Variants in MAP4K5 observed in about 807,000 individuals in gnomAD.
MAP4K5 encodes MAPK/ERK kinase kinase kinase 5.
A neutral mutation model predicts 135.6 loss-of-function variants in MAP4K5; 82 were observed. That is an observed-to-expected ratio of 0.60 (90% CI 0.51 to 0.73). The LOEUF (loss-of-function observed/expected upper bound fraction) is 0.73, where lower values mean the gene tolerates loss of function less well. Ranked by LOEUF, MAP4K5 falls within the 30% of genes least tolerant of loss-of-function variation. The pLI is 0.00. For synonymous variants in MAP4K5, 347 were observed against 335.0 expected, an observed-to-expected ratio of 1.04 and a Z score of -0.39; for missense variants, 907 against 1,010.9, an observed-to-expected ratio of 0.90 and a Z score of 1.39.
rs751486730 is a variant in MAP4K5, at chr14:50,442,816, T to C, written c.1480A>G (p.Met494Val). The C allele has an allele frequency of 5.8e-6, 9 of 1,541,790 alleles. No homozygotes were observed. The highest frequency in any genetic ancestry group is 7.0e-6 in the Non-Finnish European group (8 of 1,136,292). ...NGLPPTPKVL[M>V]GACFSKVFDG... The stretch of plus-strand genomic sequence containing the variant: ...AAAACTTTTGAAAAGCATGCTCCCA[T>C]CTTATTTATAAAGAAAGAAATGTTA... The change falls in exon 21 of 33, where the codon ATG becomes GTG. Residue 494 changes from methionine (M) to valine (V), a missense_variant and splice_region_variant. Met to Val is a conservative substitution (Grantham distance 21). Coordinates refer to ENST00000682126, the MANE Select transcript of MAP4K5 (RefSeq NM_006575.6).
chr14:50,509,025 T>C lies in MAP4K5; in HGVS notation c.109-4168A>G, dbSNP rs560822692. On this transcript the variant is annotated intron_variant, in intron 2 of 32. Coordinates refer to ENST00000682126, the MANE Select transcript of MAP4K5 (RefSeq NM_006575.6). ...GACTGGATTAAGAAAATGTGACACA[T>C]ATATACCATCGAATACTATGCAGCC... Among the ~76,000 whole-genome samples the C allele has an allele frequency of 4.7e-4, 71 of 152,246 alleles. 1 individual carries two copies. The South Asian group carries it at 0.013, about 28-fold the overall frequency.
intron 23 of MAP4K5, among the ~76,000 whole-genome samples, chr14:50,439,357 A>G (rs932994865): frequency 2.6e-5 from 4 of 151,076 alleles, no homozygotes; most frequent in African/African-American, 9.7e-5. Context: ...AAAAGCCTAA[A>G]ACACCACCTA....
intron 12 of MAP4K5, among the ~76,000 whole-genome samples, 182 bp from the exon 13 acceptor site, chr14:50,462,963 A>G (rs1197637072): frequency 3.9e-5 from 6 of 152,186 alleles, no homozygotes; most frequent in Non-Finnish European, 4.4e-5. Context: ...ATTATATAAA[A>G]CTGAAGAGCC....
chr14:50,551,174 A>G (rs1361108668), intron 1 of MAP4K5, among the ~76,000 whole-genome samples: 2 of 152,208 alleles, frequency 1.3e-5, no homozygotes, highest in Non-Finnish European at 2.9e-5. Flanking sequence ...AATAAGCTCA[A>G]TTAGAAACAA....
At chr14:50,422,253 C>A (rs2035751091) in intron 32 of MAP4K5, among the ~76,000 whole-genome samples, 1 of 152,138 alleles carries the variant, frequency 6.6e-6, no homozygotes, top group Non-Finnish European at 1.5e-5. Context: ...GGTTGGACGA[C>A]TTACTAAGTT....
intron 11 of MAP4K5, among the ~76,000 whole-genome samples, chr14:50,464,841 T>C (rs1460210209): frequency 6.6e-6 from 1 of 152,194 alleles, no homozygotes; most frequent in Non-Finnish European, 1.5e-5. Flanking sequence ...ATTTGGTGGC[T>C]TGCGATAAAG....
chr14:50,536,771 G>A (rs910192195), upstream of MAP4K5, among the ~76,000 whole-genome samples: 3 of 152,216 alleles, frequency 2.0e-5, no homozygotes, highest in Admixed American at 6.5e-5. Context: ...CTAGAGGTTT[G>A]TGGAACTTTG....
chr14:50,508,788 G>A (rs2037867815), intron 2 of MAP4K5, among the ~76,000 whole-genome samples: 1 of 152,080 alleles, frequency 6.6e-6, no homozygotes, highest in Non-Finnish European at 1.5e-5. Context: ...TGGTGGGAGT[G>A]TAAACTAGTT....
At chr14:50,474,723 T>C (rs1445988638) in intron 9 of MAP4K5, among the ~76,000 whole-genome samples, 1 of 152,120 alleles carries the variant, frequency 6.6e-6, no homozygotes. Context: ...ATCCTGCACA[T>C]GTACCCTGCA....
intron 9 of MAP4K5, among the ~76,000 whole-genome samples, 153 bp downstream of exon 9, chr14:50,474,924 A>G (rs2037062063): frequency 6.6e-6 from 1 of 152,190 alleles, no homozygotes; most frequent in African/African-American, 2.4e-5. Flanking sequence ...ATGAGCATCA[A>G]AGTTCCCTAA....
chr14:50,514,778 G>C lies in MAP4K5; in HGVS notation c.109-9921C>G, dbSNP rs149797255. On this transcript the variant is annotated intron_variant, in intron 2 of 32. Transcript: ENST00000682126. ...CAGTCTAAAAGAGCAAAACTACCTTGCATTAAGGGAATATAAAGATATAAA... is the reference window on the plus strand; with the variant it reads ...CAGTCTAAAAGAGCAAAACTACCTTCCATTAAGGGAATATAAAGATATAAA... Among the ~76,000 whole-genome samples, 11 of 152,286 alleles carry C rather than the reference G, an allele frequency of 7.2e-5. No homozygotes were observed. The East Asian group carries it at 2.1e-3, about 29-fold the overall frequency.
chr14:50,431,732 T>C (rs1211722819), intron 28 of MAP4K5, among the ~76,000 whole-genome samples: 2 of 151,850 alleles, frequency 1.3e-5, no homozygotes, highest in African/African-American at 4.8e-5. Flanking sequence ...TGTGTCTTTA[T>C]AGCAGCATGA....
At chr14:50,428,461 T>A (rs1284305571) in intron 30 of MAP4K5, among the ~76,000 whole-genome samples, 1 of 152,030 alleles carries the variant, frequency 6.6e-6, no homozygotes, top group Non-Finnish European at 1.5e-5. Context: ...TCTCTCCATG[T>A]TGGCCAGGCT....
intron 2 of MAP4K5, among the ~76,000 whole-genome samples, chr14:50,520,998 T>A (rs2038139594): frequency 6.6e-6 from 1 of 152,080 alleles, no homozygotes; most frequent in South Asian, 2.1e-4. Flanking sequence ...AATTTTTGTA[T>A]TTTTCGTAGA....
intron 2 of MAP4K5, among the ~76,000 whole-genome samples, chr14:50,529,741 C>T (rs1338209127): frequency 6.6e-6 from 1 of 151,812 alleles, no homozygotes; most frequent in African/African-American, 2.4e-5. Context: ...GGGAGCAAGC[C>T]ATATAGTGGG....
At position 50,419,502 on chromosome 14, in the gene MAP4K5, C is replaced by T. The variant is rs1375328934; in HGVS notation, c.*517G>A. On this transcript the variant is annotated 3_prime_UTR_variant, in exon 33 of 33. Transcript: ENST00000682126. Reference sequence around the variant, plus strand: ...TAAGCTGCTCTGCAACCCTCCTTTGCTAAAAGTTAGATACATTACACCACT... The same window carrying T: ...TAAGCTGCTCTGCAACCCTCCTTTGTTAAAAGTTAGATACATTACACCACT... 6.6e-6 allele frequency: 1 copy of T among 152,632 alleles called. No individual in the cohort carries two copies. The highest frequency in any genetic ancestry group is 6.5e-5 in the Admixed American group (1 of 15,278). The allele number at this position is 152,632 out of a possible 1,614,324, so 9.5% of individuals were successfully genotyped here. A position where few individuals can be genotyped will look rare whatever the true frequency, so the allele number is the denominator to read the frequency against.
intron 13 of MAP4K5, among the ~76,000 whole-genome samples, chr14:50,461,153 G>C (rs1566655992): frequency 6.6e-6 from 1 of 151,992 alleles, no homozygotes; most frequent in African/African-American, 2.4e-5. Context: ...AGCCTCCCAA[G>C]TAGCTGGGAC....
At position 50,540,915 on chromosome 14, in the gene MAP4K5, T is replaced by A. The variant is rs925976850; in HGVS notation, c.-94+1584A>T. 3.3e-5 allele frequency among the ~76,000 whole-genome samples: 5 copies of A among 152,210 alleles called. No homozygotes were observed. In the East Asian group the frequency reaches 9.6e-4, roughly 29 times the overall value. On this transcript the variant is annotated intron_variant, in intron 2 of 8. Coordinates refer to the MAP4K5 transcript ENST00000555216. ...ATTAAAGATATGAAAGATACAAGTC[T>A]TTTCCTTTTAACTCCTCTTGGCTTG... is the stretch of plus-strand genomic sequence containing the variant.
chr14:50,531,856 C>T, intron 2 of MAP4K5, 86 bp downstream of exon 2: 1 of 994,734 alleles, frequency 1.0e-6, no homozygotes, highest in South Asian at 1.4e-5. Flanking sequence ...AAGCATCCTC[C>T]TCTCGCCCCA....
Sources: gnomAD v4.1 joint callset for allele counts (sites outside exome capture counted in the v4.1 genomes callset) on GRCh38, gnomAD v4.1.1 for gene constraint, MANE v1.5 for transcripts, NCBI Gene and HGNC (gene_info 2026-07-23, HGNC 2026-07-21) for gene names.